Variants in CREB5 observed in about 807,000 individuals in gnomAD.
The protein encoded by CREB5 is cAMP responsive element binding protein 5, also known as cyclic AMP-responsive element-binding protein 5.
In CREB5, 19 loss-of-function variants were observed where a neutral mutation model predicts 57.1. The ratio of observed to expected loss-of-function variants is 0.33; its 90% confidence interval spans 0.23 to 0.49. CREB5 has a LOEUF of 0.49. Ranked by LOEUF, CREB5 falls within the 20% of genes least tolerant of loss-of-function variation. The pLI is 0.99. For missense variants in CREB5, 579 were observed against 671.6 expected (o/e 0.86, Z 1.52); for synonymous variants, 238 against 238.3 (o/e 1.00, Z 0.01).
At chr7:28,506,611 A>T (rs1400785125) in intron 3 of CREB5, among the ~76,000 whole-genome samples, 1 of 152,208 alleles carries the variant, frequency 6.6e-6, no homozygotes, top group Non-Finnish European at 1.5e-5. Flanking sequence ...ATCTGCAAAA[A>T]TTTAGCATGG....
chr7:28,778,111 A>G (rs1806765190), intron 7 of CREB5, among the ~76,000 whole-genome samples: 1 of 152,234 alleles, frequency 6.6e-6, no homozygotes, highest in African/African-American at 2.4e-5. Flanking sequence ...ACACAGGCAT[A>G]CAAAACCTGC....
At chr7:28,444,711 G>A (rs1025172128) in intron 1 of CREB5, among the ~76,000 whole-genome samples, 3 of 152,102 alleles carry the variant, frequency 2.0e-5, no homozygotes, top group Non-Finnish European at 2.9e-5. Flanking sequence ...TGCCCCTGTC[G>A]GCACCTGAAG....
Position 28,822,720 on chromosome 7 carries a change from C to G in CREB5, c.*3441C>G, listed in dbSNP as rs901485226. On this transcript the variant is annotated 3_prime_UTR_variant, in exon 11 of 11. Coordinates refer to ENST00000357727, the MANE Select transcript of CREB5 (RefSeq NM_182898.4). ...TAAACTGTCACTTAAATGGAGGTGT[C>G]CACATCTTAATTGTTTCTCCTTGAC... 1 of 152,618 alleles carries G rather than the reference C, an allele frequency of 6.6e-6. No homozygotes were observed. The highest frequency in any genetic ancestry group is 2.4e-5 in the African/African-American group (1 of 41,432). 9.5% of individuals were successfully genotyped at this position (152,618 alleles called of 1,614,324 possible).
chr7:28,747,431 A>C (rs1414983998), intron 7 of CREB5, among the ~76,000 whole-genome samples: 1 of 152,186 alleles, frequency 6.6e-6, no homozygotes, highest in Non-Finnish European at 1.5e-5. Context: ...GAGCAACAAG[A>C]CAGTTATCTG....
At chr7:28,333,593 A>G (rs887218342) in intron 1 of CREB5, among the ~76,000 whole-genome samples, 25 of 151,964 alleles carry the variant, frequency 1.6e-4, no homozygotes, top group Non-Finnish European at 3.2e-4. Flanking sequence ...CTCTATCTCC[A>G]TGAGTTCAAT....
chr7:28,719,865 G>A (rs533792160), intron 6 of CREB5, among the ~76,000 whole-genome samples: 3 of 152,238 alleles, frequency 2.0e-5, no homozygotes, highest in South Asian at 4.1e-4. Context: ...ATCGAGACCA[G>A]CCTGGCCAAC....
chr7:28,359,798 A>G (rs764954807), intron 1 of CREB5, among the ~76,000 whole-genome samples: 1 of 152,190 alleles, frequency 6.6e-6, no homozygotes, highest in Non-Finnish European at 1.5e-5. Context: ...TACAAATTAG[A>G]AAAAATATAC....
At chr7:28,462,542 A>G (rs1562733721) in intron 1 of CREB5, among the ~76,000 whole-genome samples, 2 of 152,194 alleles carry the variant, frequency 1.3e-5, no homozygotes. Context: ...ACCCACCAGC[A>G]ATATATGAGG....
chr7:28,810,008 T>C (rs1420338650), intron 9 of CREB5, among the ~76,000 whole-genome samples: 4 of 152,204 alleles, frequency 2.6e-5, no homozygotes, highest in Non-Finnish European at 4.4e-5. Flanking sequence ...TTTCATCTCA[T>C]TTGCCAACTC....
intron 7 of CREB5, among the ~76,000 whole-genome samples, chr7:28,795,569 T>C (rs1807980150): frequency 6.6e-6 from 1 of 152,210 alleles, no homozygotes; most frequent in Admixed American, 6.5e-5. Flanking sequence ...TGGTCTTCGT[T>C]GTTTCATAAT....
intron 1 of CREB5, among the ~76,000 whole-genome samples, chr7:28,367,106 T>C (rs1786603504): frequency 6.6e-6 from 1 of 152,220 alleles, no homozygotes; most frequent in Admixed American, 6.5e-5. Context: ...GCTTTCCTTG[T>C]GAGTTCCTTT....
rs943748677 is a variant in CREB5 at position 28,757,545 on chromosome 7, C to T, written c.702+33213C>T. Among the ~76,000 whole-genome samples, 6 of 151,778 alleles carry T rather than the reference C, an allele frequency of 4.0e-5. No individual in the cohort carries two copies. In the South Asian group the frequency reaches 6.3e-4, roughly 16 times the overall value. On this transcript the variant is annotated intron_variant, in intron 7 of 10. Coordinates refer to ENST00000357727, the MANE Select transcript of CREB5 (RefSeq NM_182898.4). ...AAAATTAGCCAGGCGTGGTGGCGGG[C>T]GCCTGTAGTCCCAGCTACTCGGGAG...
chr7:28,636,128 AT>A (rs1392539209), intron 5 of CREB5, among the ~76,000 whole-genome samples: 3 of 152,082 alleles, frequency 2.0e-5, no homozygotes, highest in African/African-American at 7.2e-5. Context: ...ATATTTTCAT[AT>A]TCTTTTCTAA....
chr7:28,489,659 A>T (rs976961397), intron 2 of CREB5, among the ~76,000 whole-genome samples: 1 of 152,150 alleles, frequency 6.6e-6, no homozygotes, highest in African/African-American at 2.4e-5. Flanking sequence ...GCCTTTTGGA[A>T]GGAAGAGGCC....
chr7:28,494,778 T>G, intron 2 of CREB5, 128 bp from the exon 3 acceptor site: 1 of 609,076 alleles, frequency 1.6e-6, no homozygotes, highest in Non-Finnish European at 2.7e-6. Flanking sequence ...TCGAAATGTT[T>G]TTTTTTTTTT....
At chr7:28,681,245 C>A (rs1800576188) in intron 5 of CREB5, among the ~76,000 whole-genome samples, 1 of 152,142 alleles carries the variant, frequency 6.6e-6, no homozygotes, top group Non-Finnish European at 1.5e-5. Flanking sequence ...AAAGTGTGAG[C>A]AATAATACAA....
intron 4 of CREB5, among the ~76,000 whole-genome samples, chr7:28,559,044 A>G (rs1028865508): frequency 2.0e-5 from 3 of 152,064 alleles, no homozygotes; most frequent in Non-Finnish European, 2.9e-5. Context: ...CGTCTCCCAC[A>G]CTACACAGGT....
chr7:28,553,307 A>G (rs1794743540), intron 4 of CREB5, among the ~76,000 whole-genome samples: 1 of 152,244 alleles, frequency 6.6e-6, no homozygotes, highest in Admixed American at 6.5e-5. Flanking sequence ...TGCTTATGAA[A>G]GAGCCTTTCA....
At chr7:28,625,572 G>A (rs1048410674) in intron 5 of CREB5, among the ~76,000 whole-genome samples, 18 of 152,232 alleles carry the variant, frequency 1.2e-4, no homozygotes, top group South Asian at 6.2e-4. Flanking sequence ...AGATGCAAGT[G>A]TGTGGTCACT....
Sources: gnomAD v4.1 joint callset for allele counts (sites outside exome capture counted in the v4.1 genomes callset) on GRCh38, gnomAD v4.1.1 for gene constraint, MANE v1.5 for transcripts, NCBI Gene and HGNC (gene_info 2026-07-23, HGNC 2026-07-21) for gene names.